Variants in PAQR8 observed in about 807,000 individuals in gnomAD.
PAQR8 encodes progestin and adipoQ receptor family member 8.
Under a neutral mutation model 25.2 loss-of-function variants are expected in PAQR8, and 17 were observed. The observed-to-expected ratio is 0.67, with a 90% CI of 0.46 to 1.01. The LOEUF is 1.01. PAQR8 is among the 50% of genes least tolerant of loss of function. PAQR8 has a pLI of 0.00. For missense variants in PAQR8, 392 were observed against 448.4 expected, an observed-to-expected ratio of 0.87 and a Z score of 1.14; for synonymous variants, 204 against 190.6, an observed-to-expected ratio of 1.07 and a Z score of -0.58.
At chr6:52,372,849 C>G (rs1440458038) in intron 1 of PAQR8, among the ~76,000 whole-genome samples, 1 of 151,572 alleles carries the variant, frequency 6.6e-6, no homozygotes, top group Admixed American at 6.6e-5. Flanking sequence ...AGGTAAGGAC[C>G]CTTTTATTAT....
rs1435975619 is a variant in PAQR8, at chr6:52,404,231, C to A, written c.1018C>A (p.Leu340Ile). Residue 340 changes from leucine to isoleucine, a missense_variant, in exon 2 of 2, where the codon CTT (leucine) becomes ATT (isoleucine). Leu to Ile is a conservative substitution (Grantham distance 5). Coordinates refer to ENST00000442253, the MANE Select transcript of PAQR8 (RefSeq NM_133367.5). ...LAACSAATAA[L>I]LRHKVKARLT... ...TGCCTGCAGTGCTGCCACCGCAGCCCTTCTGAGGCACAAAGTCAAGGCCAG... is the reference window on the plus strand; with the variant it reads ...TGCCTGCAGTGCTGCCACCGCAGCCATTCTGAGGCACAAAGTCAAGGCCAG... The A allele has an allele frequency of 6.2e-7, 1 of 1,612,496 alleles. No individual in the cohort carries two copies. The highest frequency in any genetic ancestry group is 8.5e-7 in the Non-Finnish European group (1 of 1,178,880).
intron 1 of PAQR8, among the ~76,000 whole-genome samples, chr6:52,395,728 C>T (rs922997381): frequency 1.4e-5 from 2 of 146,112 alleles, no homozygotes; most frequent in African/African-American, 4.9e-5. Context: ...ATTACTAGGA[C>T]TTTATGTACA....
rs113388907 is a variant in PAQR8, at chr6:52,402,632, A to G, written c.-52-530A>G. Among the ~76,000 whole-genome samples, 45 of 115,330 alleles carry G rather than the reference A, an allele frequency of 3.9e-4. No individual in the cohort carries two copies. In the East Asian group the frequency reaches 4.4e-3, roughly 11 times the overall value. 75.7% of individuals were successfully genotyped at this position (115,330 alleles called of 152,430 possible). ...AACTCTGTCTCAAAAAAAAAAAAAA[A>G]AAAGAAAGAAAGAAAAAAAAGAATA... On this transcript the variant is annotated intron_variant, in intron 1 of 1. Transcript: ENST00000442253.
intron 1 of PAQR8, among the ~76,000 whole-genome samples, chr6:52,381,575 C>A (rs1763560360): frequency 6.6e-6 from 1 of 152,210 alleles, no homozygotes; most frequent in Non-Finnish European, 1.5e-5. Context: ...CCACTGCACT[C>A]CAGCCTGGGT....
rs1763917533 is a variant in PAQR8 at position 52,406,912 on chromosome 6, A to G, written c.*2634A>G. On this transcript the variant is annotated 3_prime_UTR_variant, in exon 2 of 2. Transcript: ENST00000442253. ...TATTTGAGAGGCATTGAGGTAGGAG[A>G]CTCTATGACATGCCCTCAGAATATC... 1 of 209,226 alleles carries G rather than the reference A, an allele frequency of 4.8e-6. No homozygotes were observed. Among genetic ancestry groups the G allele is most frequent in the East Asian group, 1.2e-4 (1 of 8,524 alleles). The allele number at this position is 209,226 out of a possible 1,614,324, so 13.0% of individuals were successfully genotyped here.
chr6:52,373,738 G>A (rs1486177512), intron 1 of PAQR8: 1 of 144,002 alleles, frequency 6.9e-6, no homozygotes, highest in Admixed American at 7.0e-5. Flanking sequence ...AAAAGGATCT[G>A]TTTTTTTTTT....
rs1251545927 is a variant in PAQR8 at position 52,404,843 on chromosome 6, C to T, written c.*565C>T. The T allele has an allele frequency of 5.9e-6, 1 of 168,172 alleles. No homozygotes were observed. The highest frequency in any genetic ancestry group is 2.4e-5 in the African/African-American group (1 of 41,422). 10.4% of individuals were successfully genotyped at this position (168,172 alleles called of 1,614,324 possible). A position where few individuals can be genotyped will look rare whatever the true frequency, so the allele number is the denominator to read the frequency against. ...CCTTTCTCGACAACTATAATACTAA[C>T]CCTTTTCTCAGGATAACTGTCTACA... On this transcript the variant is annotated 3_prime_UTR_variant, in exon 2 of 2. Transcript: ENST00000442253.
At chr6:52,399,366 GA>G (rs1763805400) in intron 1 of PAQR8, among the ~76,000 whole-genome samples, 1 of 152,192 alleles carries the variant, frequency 6.6e-6, no homozygotes, top group African/African-American at 2.4e-5. Context: ...CCTCAGAACA[GA>G]CAGATGCCAG....
intron 1 of PAQR8, among the ~76,000 whole-genome samples, chr6:52,366,896 C>T (rs979355918): frequency 6.6e-6 from 1 of 152,006 alleles, no homozygotes; most frequent in Non-Finnish European, 1.5e-5. Context: ...ATTGCAGGCG[C>T]GCACCACCAC....
chr6:52,398,197 CTTTTTTCTTTT>C (rs1562433903), intron 1 of PAQR8, among the ~76,000 whole-genome samples: 3 of 133,706 alleles, frequency 2.2e-5, no homozygotes, highest in Admixed American at 8.4e-5. Flanking sequence ...TTTTTCTTTT[CTTTTTTCTTTT>C]TTTTTTTTTT....
At chr6:52,390,575 T>C (rs754476073) in intron 1 of PAQR8, among the ~76,000 whole-genome samples, 3 of 152,204 alleles carry the variant, frequency 2.0e-5, no homozygotes, top group Non-Finnish European at 2.9e-5. Flanking sequence ...CAAACCCACA[T>C]GGTCAGGAAG....
At chr6:52,380,366 C>T (rs1763545162) in intron 1 of PAQR8, among the ~76,000 whole-genome samples, 1 of 152,170 alleles carries the variant, frequency 6.6e-6, no homozygotes, top group African/African-American at 2.4e-5. Context: ...TTTTAAAGTA[C>T]ATATTCGTGG....
At chr6:52,381,649 C>T (rs1391774262) in intron 1 of PAQR8, among the ~76,000 whole-genome samples, 1 of 152,176 alleles carries the variant, frequency 6.6e-6, no homozygotes, top group Non-Finnish European at 1.5e-5. Context: ...GCCCCCTACT[C>T]CAATTTTTGT....
intron 1 of PAQR8, among the ~76,000 whole-genome samples, chr6:52,372,414 A>T (rs1763429941): frequency 6.6e-6 from 1 of 152,132 alleles, no homozygotes; most frequent in South Asian, 2.1e-4. Context: ...ATCTAGAGTG[A>T]CAGTGAAGTT....
At chr6:52,394,928 C>G (rs1763749594) in intron 1 of PAQR8, among the ~76,000 whole-genome samples, 1 of 150,408 alleles carries the variant, frequency 6.6e-6, no homozygotes, top group Admixed American at 6.6e-5. Context: ...TTTTCTCTTT[C>G]CATTAAAAAA....
chr6:52,364,316 G>A lies in PAQR8; in HGVS notation c.-53+2067G>A, dbSNP rs549365831. On this transcript the variant is annotated intron_variant, in intron 1 of 1. Coordinates refer to ENST00000442253, the MANE Select transcript of PAQR8 (RefSeq NM_133367.5). ...ATTCATTTTACAAGAATCATTTCAG[G>A]ATAAGCATATTTCCATTAAGGGTGT... is the stretch of plus-strand genomic sequence containing the variant. Among the ~76,000 whole-genome samples the A allele has an allele frequency of 3.3e-5, 5 of 152,148 alleles. No individual in the cohort carries two copies. The South Asian group carries it at 1.0e-3, about 32-fold the overall frequency.
chr6:52,395,421 A>T (rs1050067714), intron 1 of PAQR8, among the ~76,000 whole-genome samples: 44 of 152,104 alleles, frequency 2.9e-4, no homozygotes, highest in African/African-American at 1.1e-3. Flanking sequence ...TTATAATCTG[A>T]CTCTAATTAA....
chr6:52,382,284 A>T (rs943159152), intron 1 of PAQR8, among the ~76,000 whole-genome samples: 1 of 152,250 alleles, frequency 6.6e-6, no homozygotes, highest in Non-Finnish European at 1.5e-5. Context: ...TCAGGGACAG[A>T]TAAGGTTTTC....
chr6:52,399,303 T>C (rs1324926243), intron 1 of PAQR8, among the ~76,000 whole-genome samples: 4 of 152,230 alleles, frequency 2.6e-5, no homozygotes, highest in Non-Finnish European at 5.9e-5. Context: ...AGCTCTGCAG[T>C]CATGGTCTTC....
Sources: allele counts gnomAD v4.1 joint callset (sites outside exome capture counted in the v4.1 genomes callset), GRCh38; gene constraint gnomAD v4.1.1; transcripts MANE v1.5; gene names NCBI Gene and HGNC (gene_info 2026-07-23, HGNC 2026-07-21).